The following LHFPL5 variants were observed in gnomAD, a reference collection of about 807,000 sequenced individuals.
LHFPL5 encodes LHFPL tetraspan subfamily member 5 protein.
A neutral mutation model predicts 18.7 loss-of-function variants in LHFPL5; 12 were observed. The observed-to-expected ratio is 0.64, with a 90% CI of 0.41 to 1.04. LHFPL5 has a LOEUF of 1.04. LHFPL5 is among the 50% of genes least tolerant of loss of function. LHFPL5 has a pLI of 0.00. For synonymous variants in LHFPL5, 111 were observed against 120.2 expected (o/e 0.92, Z 0.50); for missense variants, 259 against 292.1 (o/e 0.89, Z 0.83).
At chr6:35,806,118 A>G in intron 1 of LHFPL5, 36 bp downstream of exon 1, 1 of 1,602,000 alleles carries the variant, frequency 6.2e-7, no homozygotes, top group Non-Finnish European at 8.5e-7. Context: ...GCAGGGGCCC[A>G]CCCCGGGGCC....
chr6:35,807,248 G>T (rs1486041940), intron 1 of LHFPL5, among the ~76,000 whole-genome samples: 1 of 145,122 alleles, frequency 6.9e-6, no homozygotes. Context: ...AAGATGGAAA[G>T]ACCCTGTCTC....
chr6:35,813,354 C>T (rs1768702232), intron 1 of LHFPL5, among the ~76,000 whole-genome samples: 1 of 149,000 alleles, frequency 6.7e-6, no homozygotes, highest in Non-Finnish European at 1.5e-5. Flanking sequence ...ACACCATTCT[C>T]CTGCCTCAGC....
Position 35,819,429 on chromosome 6 carries a change from C to T in LHFPL5, c.650-8C>T. On this transcript the variant is annotated splice_region_variant and splice_polypyrimidine_tract_variant and intron_variant, in intron 2 of 3. Coordinates refer to ENST00000360215, the MANE Select transcript of LHFPL5 (RefSeq NM_182548.4). ...TAGTAACGTATACTGTTCTCTCCTT[C>T]ATTACAGAGGAGGTGTGAAGCAGCT... 6.2e-7 allele frequency: 1 copy of T among 1,613,896 alleles called. No homozygotes were observed. Among genetic ancestry groups the T allele is most frequent in the Non-Finnish European group, 8.5e-7 (1 of 1,179,832 alleles).
Position 35,805,830 on chromosome 6 carries a change from G to A in LHFPL5, c.160G>A (p.Val54Ile). 2 of 1,614,228 alleles carry A rather than the reference G, an allele frequency of 1.2e-6. No homozygotes were observed. Among genetic ancestry groups the A allele is most frequent in the Non-Finnish European group, 1.7e-6 (2 of 1,180,046 alleles). The change falls in exon 1 of 4, where the codon GTC (valine) becomes ATC (isoleucine). Residue 54 changes from valine to isoleucine, a missense_variant. Val to Ile is a conservative substitution (Grantham distance 29). Coordinates refer to ENST00000360215, the MANE Select transcript of LHFPL5 (RefSeq NM_182548.4). The surrounding 1 kb of genome is among the most constrained non-coding windows in gnomAD (Gnocchi z 4.3). ...CCAGCCCTACTGGATCGGCGACAGC[G>A]TCAACACACCGCAGGCAGGCTACTT... ...FIQPYWIGDS[V>I]NTPQAGYFGL... is the part of the protein sequence containing the mutation.
chr6:35,822,506 TG>T (rs1768885673), intron 3 of LHFPL5, among the ~76,000 whole-genome samples: 1 of 152,168 alleles, frequency 6.6e-6, no homozygotes, highest in African/African-American at 2.4e-5. Flanking sequence ...TGTTTTGTTT[TG>T]TTTTTTGTAA....
rs944780953 is a variant in LHFPL5, at chr6:35,814,470, A to G, written c.413-76A>G. 9.0e-7 allele frequency: 1 copy of G among 1,111,096 alleles called. No homozygotes were observed. The highest frequency in any genetic ancestry group is 1.4e-6 in the Non-Finnish European group (1 of 722,002). 68.8% of individuals were successfully genotyped at this position (1,111,096 alleles called of 1,614,324 possible). A position where few individuals can be genotyped will look rare whatever the true frequency, so the allele number is the denominator to read the frequency against. ...AGGAGAAGGGAGGTGACAACATAACAGCAGTGCAAGGTGTGGGAGGTAGCG... is the reference window on the plus strand; with the variant it reads ...AGGAGAAGGGAGGTGACAACATAACGGCAGTGCAAGGTGTGGGAGGTAGCG... On this transcript the variant is annotated intron_variant, in intron 1 of 3. Transcript: ENST00000360215. The surrounding 1 kb of genome is among the most constrained non-coding windows in gnomAD (Gnocchi z 4.2).
chr6:35,808,549 T>C (rs2151069399), intron 1 of LHFPL5, among the ~76,000 whole-genome samples: 1 of 131,484 alleles, frequency 7.6e-6, no homozygotes, highest in South Asian at 2.4e-4. Flanking sequence ...TTCTTTACTA[T>C]ATATTCATTT....
At chr6:35,818,320 C>CATATATATATATATATATAT (rs112710434) in intron 2 of LHFPL5, among the ~76,000 whole-genome samples, 1 of 120,262 alleles carries the variant, frequency 8.3e-6, no homozygotes, top group African/African-American at 3.2e-5. Context: ...TACTAAAAGC[C>CATATATATATATATATATAT]ATATATATAT....
intron 1 of LHFPL5, among the ~76,000 whole-genome samples, chr6:35,812,133 G>C (rs1768673546): frequency 6.6e-6 from 1 of 152,186 alleles, no homozygotes; most frequent in Non-Finnish European, 1.5e-5. Context: ...GAAGTATTTT[G>C]TGATCTATAA....
At chr6:35,818,121 A>G (rs558915899) in intron 2 of LHFPL5, among the ~76,000 whole-genome samples, 2 of 152,262 alleles carry the variant, frequency 1.3e-5, no homozygotes, top group East Asian at 1.9e-4. Context: ...ACTGGTTTCC[A>G]TTTGTATATC....
At chr6:35,813,792 CT>C (rs1012092184) in intron 1 of LHFPL5, among the ~76,000 whole-genome samples, 11,238 of 121,440 alleles carry the variant, frequency 0.093, 227 homozygotes, top group East Asian at 0.25. Context: ...TTTCCTTTTC[CT>C]TTTTTTTTTT....
At chr6:35,812,987 G>A (rs989174709) in intron 1 of LHFPL5, among the ~76,000 whole-genome samples, 1 of 152,018 alleles carries the variant, frequency 6.6e-6, no homozygotes, top group African/African-American at 2.4e-5. Flanking sequence ...TCCGGGAGGC[G>A]GGTGTTGCAG....
At chr6:35,813,827 G>A (rs563903999) in intron 1 of LHFPL5, among the ~76,000 whole-genome samples, 8 of 117,148 alleles carry the variant, frequency 6.8e-5, no homozygotes, top group African/African-American at 1.7e-4. Context: ...ACGGAGTTTC[G>A]CTCTTGTTGC....
Position 35,814,745 on chromosome 6 carries a change from C to A in LHFPL5, c.612C>A (p.Asp204Glu). 1.9e-6 allele frequency: 3 copies of A among 1,614,140 alleles called. No individual in the cohort carries two copies. The highest frequency in any genetic ancestry group is 2.2e-5 in the East Asian group (1 of 44,856). Residue 204 changes from aspartate (D) to glutamate (E), a missense_variant, in exon 2 of 4, where the codon GAC (aspartate) becomes GAA (glutamate). Physicochemically the swap from Asp to Glu is conservative, Grantham distance 45 (BLOSUM62 2). Transcript: ENST00000360215. The surrounding 1 kb of genome is among the most constrained non-coding windows in gnomAD (Gnocchi z 4.2). ...CCTTCGTGTTGGGCTACCGGCAGGA[C>A]AAGCTCCTCCCTGACGACTACAAGG... ...FLAFVLGYRQ[D>E]KLLPDDYKAD...
At position 35,814,515 on chromosome 6, in the gene LHFPL5, G is replaced by C; in HGVS notation, c.413-31G>C. ...GTAGCGGGCTAGGCACACTCGGCCT[G>C]ATGCCATGTGCACCCCTCCTTCCCC... On this transcript the variant is annotated intron_variant, in intron 1 of 3. Coordinates refer to ENST00000360215, the MANE Select transcript of LHFPL5 (RefSeq NM_182548.4). The surrounding 1 kb of genome is among the most constrained non-coding windows in gnomAD (Gnocchi z 4.2). 6.5e-7 allele frequency: 1 copy of C among 1,545,034 alleles called. No individual in the cohort carries two copies. The highest frequency in any genetic ancestry group is 9.0e-7 in the Non-Finnish European group (1 of 1,117,000).
rs1335438200 is a variant in LHFPL5 at position 35,819,472 on chromosome 6, T to C, written c.*16+9T>C. The C allele has an allele frequency of 6.2e-7, 1 of 1,613,454 alleles. No individual in the cohort carries two copies. The highest frequency in any genetic ancestry group is 1.3e-5 in the African/African-American group (1 of 75,004). ...AAGCAGCTGAAGGGTCGGTGAGTAATTCTATGGGAGGGTGGTCTGCGTGCC... is the reference window on the plus strand; with the variant it reads ...AAGCAGCTGAAGGGTCGGTGAGTAACTCTATGGGAGGGTGGTCTGCGTGCC... On this transcript the variant is annotated intron_variant, in intron 3 of 3. Coordinates refer to ENST00000360215, the MANE Select transcript of LHFPL5 (RefSeq NM_182548.4).
intron 1 of LHFPL5, chr6:35,811,351 G>A (rs753927707): frequency 5.9e-5 from 9 of 152,174 alleles, no homozygotes; most frequent in Admixed American, 2.6e-4. Context: ...CATAGTAAGC[G>A]TTTTCTGTAA....
intron 1 of LHFPL5, among the ~76,000 whole-genome samples, chr6:35,813,239 A>ATTTTTTTTTTTTTTTTTTTT (rs35884324): frequency 1.8e-5 from 1 of 56,294 alleles, no homozygotes. Flanking sequence ...AGGAACTAGC[A>ATTTTTTTTTTTTTTTTTTTT]TTTTTTTTTT....
Position 35,814,429 on chromosome 6 carries a change from T to C in LHFPL5, c.413-117T>C, listed in dbSNP as rs552556109. The C allele has an allele frequency of 2.3e-6, 2 of 865,920 alleles. No individual in the cohort carries two copies. The highest frequency in any genetic ancestry group is 2.4e-5 in the East Asian group (1 of 41,550). 53.6% of individuals were successfully genotyped at this position (865,920 alleles called of 1,614,324 possible). On this transcript the variant is annotated intron_variant, in intron 1 of 3. Coordinates refer to ENST00000360215, the MANE Select transcript of LHFPL5 (RefSeq NM_182548.4). The surrounding 1 kb of genome is among the most constrained non-coding windows in gnomAD (Gnocchi z 4.2). Reference sequence around the variant, plus strand: ...GGTAGAGGCTGCCTCTCATGCCTCCTGAGGCTGTTAACAGAAGGAGAAGGG... The same window carrying C: ...GGTAGAGGCTGCCTCTCATGCCTCCCGAGGCTGTTAACAGAAGGAGAAGGG...
Sources: gnomAD v4.1 joint callset for allele counts (sites outside exome capture counted in the v4.1 genomes callset) on GRCh38, gnomAD v4.1.1 for gene constraint, Gnocchi (gnomAD v3.1) non-coding constraint, MANE v1.5 for transcripts, NCBI Gene and HGNC (gene_info 2026-07-23, HGNC 2026-07-21) for gene names.